The following NBEA variants were observed in gnomAD, a reference collection of about 807,000 sequenced individuals.
NBEA encodes the protein lysosomal-trafficking regulator 2.
NBEA carries 44 observed loss-of-function variants against 343.4 expected under a neutral mutation model. That is an observed-to-expected ratio of 0.13 (90% CI 0.10 to 0.16). The LOEUF is 0.16. Ranked by LOEUF, NBEA falls within the 10% of genes least tolerant of loss-of-function variation. The pLI is 1.00. For missense variants in NBEA, 2,555 were observed against 3,631.3 expected, an observed-to-expected ratio of 0.70 and a Z score of 7.62; for synonymous variants, 1,175 against 1,238.7, an observed-to-expected ratio of 0.95 and a Z score of 1.08.
intron 41 of NBEA, among the ~76,000 whole-genome samples, chr13:35,483,559 C>T (rs577323257): frequency 4.0e-5 from 6 of 151,732 alleles, no homozygotes; most frequent in Non-Finnish European, 7.4e-5. Flanking sequence ...ATACTCTAAA[C>T]CAAGAATTAT....
Position 35,654,881 on chromosome 13 carries a change from C to A in NBEA, c.8062C>A (p.Gln2688Lys). The A allele has an allele frequency of 6.4e-7, 1 of 1,574,224 alleles. No individual in the cohort carries two copies. Among genetic ancestry groups the A allele is most frequent in the African/African-American group, 1.4e-5 (1 of 72,414 alleles). Residue 2688 changes from glutamine (Q) to lysine (K), a missense_variant, in exon 54 of 59, where the codon CAG becomes AAG. Gln to Lys is a moderately conservative substitution (Grantham distance 53, BLOSUM62 1). This residue lies in a region of NBEA where 39 missense variants were observed against 37.9 expected (regional missense o/e 1.03). Transcript: ENST00000379939. ...CAATAATTCAGGTGTAAACAAACGG[C>A]AGATCACAGACCTCGTTGACCAGAG... is the stretch of plus-strand genomic sequence containing the variant. ...IANNSGVNKR[Q>K]ITDLVDQSIQ...
intron 39 of NBEA, among the ~76,000 whole-genome samples, chr13:35,432,975 G>C (rs1000721114): frequency 1.4e-4 from 21 of 151,566 alleles, no homozygotes; most frequent in African/African-American, 4.6e-4. Flanking sequence ...TAATAAAATA[G>C]AATTTAAAAT....
intron 2 of NBEA, among the ~76,000 whole-genome samples, chr13:35,043,869 C>T (rs542197205): frequency 3.3e-5 from 5 of 151,772 alleles, no homozygotes; most frequent in African/African-American, 1.2e-4. Context: ...TTACCCTAAC[C>T]TAACCTTTTT....
At chr13:35,331,018 G>A (rs2038895018) in intron 36 of NBEA, among the ~76,000 whole-genome samples, 1 of 151,974 alleles carries the variant, frequency 6.6e-6, no homozygotes, top group Non-Finnish European at 1.5e-5. Flanking sequence ...TACAAATCTA[G>A]ATTATGAACA....
At chr13:35,460,680 C>T (rs575519114) in intron 40 of NBEA, among the ~76,000 whole-genome samples, 86 of 152,282 alleles carry the variant, frequency 5.6e-4, no homozygotes, top group African/African-American at 2.0e-3. Context: ...ATAAGGTACT[C>T]TTAATTGTAA....
intron 18 of NBEA, among the ~76,000 whole-genome samples, chr13:35,155,230 C>T (rs1008580658): frequency 2.0e-5 from 3 of 150,890 alleles, no homozygotes; most frequent in Non-Finnish European, 2.9e-5. Context: ...CCTAATCTTT[C>T]CTTCTATAGA....
At chr13:35,338,999 C>T (rs2039429006) in intron 36 of NBEA, among the ~76,000 whole-genome samples, 1 of 151,938 alleles carries the variant, frequency 6.6e-6, no homozygotes, top group South Asian at 2.1e-4. Context: ...CTTTCTCAGT[C>T]TGATAAGTGA....
chr13:35,549,836 A>G (rs978899720), intron 41 of NBEA, among the ~76,000 whole-genome samples: 5 of 152,220 alleles, frequency 3.3e-5, no homozygotes, highest in African/African-American at 1.2e-4. Flanking sequence ...GGCTTAGACC[A>G]TGGGTCAGCC....
At chr13:35,253,674 C>G (rs1323210023) in intron 34 of NBEA, among the ~76,000 whole-genome samples, 1 of 152,086 alleles carries the variant, frequency 6.6e-6, no homozygotes, top group East Asian at 1.9e-4. Context: ...TACAGGCAGG[C>G]CATTCTTTTA....
rs1416182262 is a variant in NBEA, at chr13:35,649,825, G to A, written c.7941G>A (p.Val2647=). 6.2e-7 allele frequency: 1 copy of A among 1,614,008 alleles called. No individual in the cohort carries two copies. Among genetic ancestry groups the A allele is most frequent in the South Asian group, 1.1e-5 (1 of 91,076 alleles). The part of the protein sequence containing the change: ...VTVTCSRLFA[V]NRWHNTVGLR... Reference sequence around the variant, plus strand: ...TGACTTGCAGCCGACTCTTTGCAGTGAATAGATGGCACAACACAGTAGGTA... The same window carrying A: ...TGACTTGCAGCCGACTCTTTGCAGTAAATAGATGGCACAACACAGTAGGTA... Residue 2647 remains valine, a synonymous_variant, in exon 52 of 59, where the codon GTG becomes GTA. Transcript: ENST00000379939.
chr13:35,635,092 C>T (rs1377393378), intron 49 of NBEA, among the ~76,000 whole-genome samples: 1 of 152,048 alleles, frequency 6.6e-6, no homozygotes, highest in Non-Finnish European at 1.5e-5. Flanking sequence ...CTTTTTCATC[C>T]TGATGATGTA....
chr13:35,419,303 A>G (rs2044133751), intron 38 of NBEA, among the ~76,000 whole-genome samples: 1 of 152,054 alleles, frequency 6.6e-6, no homozygotes. Flanking sequence ...CTCCTGGTTC[A>G]TAGAACAGTG....
At chr13:35,667,244 C>T (rs2085401668) in intron 56 of NBEA, 130 bp from the exon 57 acceptor site, 5 of 721,872 alleles carry the variant, frequency 6.9e-6, no homozygotes, top group Non-Finnish European at 1.2e-5. Flanking sequence ...TTGGCCTGGC[C>T]AGCCTACCTC....
chr13:35,154,960 AC>A (rs2069057705), intron 18 of NBEA, among the ~76,000 whole-genome samples: 1 of 151,660 alleles, frequency 6.6e-6, no homozygotes, highest in South Asian at 2.1e-4. Flanking sequence ...CCCCATCTTT[AC>A]CAAAAAATGA....
intron 5 of NBEA, 35 bp from the exon 6 acceptor site, chr13:35,050,234 A>G: frequency 6.3e-7 from 1 of 1,583,292 alleles, no homozygotes; most frequent in Non-Finnish European, 8.6e-7. Context: ...TCTTTTTATC[A>G]GAGGATATTA....
chr13:35,451,286 T>G lies in NBEA; in HGVS notation c.6305-806T>G, dbSNP rs551929235. On this transcript the variant is annotated intron_variant, in intron 39 of 58. Transcript: ENST00000379939. Reference sequence around the variant, plus strand: ...CCACAGGCTTTTGGCTCCACGCCCGTCTAATTTTTTGCGTTTTTAGTAGAG... The same window carrying G: ...CCACAGGCTTTTGGCTCCACGCCCGGCTAATTTTTTGCGTTTTTAGTAGAG... Among the ~76,000 whole-genome samples the G allele has an allele frequency of 1.6e-4, 24 of 151,814 alleles. No individual in the cohort carries two copies. In the East Asian group the frequency reaches 3.1e-3, roughly 20 times the overall value.
intron 10 of NBEA, among the ~76,000 whole-genome samples, chr13:35,089,233 T>A (rs2064938862): frequency 1.7e-5 from 2 of 116,734 alleles, no homozygotes; most frequent in African/African-American, 3.3e-5. Context: ...AACAACCCCA[T>A]CAAAAAGTGG....
Position 35,254,404 on chromosome 13 carries a change from G to C in NBEA, c.5776+21785G>C, listed in dbSNP as rs1353316456. Among the ~76,000 whole-genome samples, 3 of 148,880 alleles carry C rather than the reference G, an allele frequency of 2.0e-5. No individual in the cohort carries two copies. The Admixed American group carries it at 2.0e-4, about 10-fold the overall frequency. ...AGTGGCATGATCACAGATCACTGCA[G>C]CCCTGAACTCCTTCGCTAAGTTGAT... is the stretch of plus-strand genomic sequence containing the variant. On this transcript the variant is annotated intron_variant, in intron 34 of 58. Coordinates refer to ENST00000379939, the MANE Select transcript of NBEA (RefSeq NM_001385012.1).
chr13:35,434,569 A>T (rs919222280), intron 39 of NBEA, among the ~76,000 whole-genome samples: 1 of 152,160 alleles, frequency 6.6e-6, no homozygotes, highest in African/African-American at 2.4e-5. Context: ...CAGGGAGTGG[A>T]AGACTAAAGA....
Sources: allele counts gnomAD v4.1 joint callset (sites outside exome capture counted in the v4.1 genomes callset), GRCh38; gene constraint gnomAD v4.1.1; regional missense constraint gnomAD v4.1.1; transcripts MANE v1.5; gene names NCBI Gene and HGNC (gene_info 2026-07-23, HGNC 2026-07-21).